The following CRHBP variants were observed in gnomAD, a reference collection of about 807,000 sequenced individuals.
CRHBP encodes the protein corticotropin releasing hormone binding protein.
Under a neutral mutation model 34.9 loss-of-function variants are expected in CRHBP, and 19 were observed. The observed-to-expected ratio is 0.55, with a 90% CI of 0.38 to 0.80. The LOEUF is 0.80. CRHBP is among the 30% of genes least tolerant of loss of function. The pLI is 0.00. For missense variants in CRHBP, 328 were observed against 409.2 expected (o/e 0.80, Z 1.71); for synonymous variants, 154 against 153.4 (o/e 1.00, Z -0.03).
intron 5 of CRHBP, among the ~76,000 whole-genome samples, chr5:76,959,821 T>C (rs886765504): frequency 2.0e-5 from 3 of 152,204 alleles, no homozygotes; most frequent in African/African-American, 7.2e-5. Flanking sequence ...TTGATATTAT[T>C]TGTATGTCAT....
downstream of CRHBP, among the ~76,000 whole-genome samples, chr5:76,969,653 A>C (rs1179676859): frequency 6.6e-6 from 1 of 152,240 alleles, no homozygotes; most frequent in Admixed American, 6.5e-5. Context: ...GTGTTTGCAC[A>C]GGCAACACTA....
At chr5:76,959,452 C>T (rs1159761585) in intron 5 of CRHBP, among the ~76,000 whole-genome samples, 1 of 152,238 alleles carries the variant, frequency 6.6e-6, no homozygotes, top group Non-Finnish European at 1.5e-5. Flanking sequence ...GAACCCCTAT[C>T]AACTTGTTTT....
At chr5:76,961,176 C>T (rs1291075070) in intron 5 of CRHBP, among the ~76,000 whole-genome samples, 2 of 152,112 alleles carry the variant, frequency 1.3e-5, no homozygotes, top group South Asian at 4.1e-4. Flanking sequence ...TTGAGAGGTC[C>T]CTGCATAACT....
intron 3 of CRHBP, among the ~76,000 whole-genome samples, chr5:76,955,371 G>A (rs1745652145): frequency 1.3e-5 from 2 of 152,196 alleles, no homozygotes; most frequent in African/African-American, 4.8e-5. Context: ...TACATTGTAC[G>A]TTGTTTTATT....
chr5:76,971,536 A>G (rs2150710658), downstream of CRHBP, among the ~76,000 whole-genome samples: 1 of 152,314 alleles, frequency 6.6e-6, no homozygotes, highest in East Asian at 1.9e-4. Flanking sequence ...AGCTAGGGTT[A>G]GTTAAGGTTG....
At chr5:76,957,853 C>T (rs1169802675) in intron 4 of CRHBP, among the ~76,000 whole-genome samples, 1 of 152,112 alleles carries the variant, frequency 6.6e-6, no homozygotes, top group Non-Finnish European at 1.5e-5. Context: ...CCTATTTTCT[C>T]ACTATTAGAA....
rs745841665 is a variant in CRHBP at position 76,953,090 on chromosome 5, A to C, written c.-45A>C. 1.3e-6 allele frequency: 2 copies of C among 1,598,990 alleles called. No individual in the cohort carries two copies. The highest frequency in any genetic ancestry group is 1.7e-6 in the Non-Finnish European group (2 of 1,166,414). On this transcript the variant is annotated 5_prime_UTR_variant, in exon 1 of 7. Coordinates refer to ENST00000274368, the MANE Select transcript of CRHBP (RefSeq NM_001882.4). ...CGCGAGGGTGTAGGAAGGAAAGCCC[A>C]GGACCTCCGGAGCAGAGCACAGCAG...
intron 4 of CRHBP, among the ~76,000 whole-genome samples, chr5:76,958,239 A>C (rs1745721637): frequency 6.6e-6 from 1 of 152,194 alleles, no homozygotes; most frequent in Admixed American, 6.5e-5. Context: ...CTAGGCCCCC[A>C]GTTTTAAAAT....
At chr5:76,955,565 C>A in intron 3 of CRHBP, 88 bp from the exon 4 acceptor site, 1 of 1,193,486 alleles carries the variant, frequency 8.4e-7, no homozygotes, top group Non-Finnish European at 1.2e-6. Flanking sequence ...AGGCCCATTG[C>A]TGGATGACTT....
chr5:76,970,966 C>G (rs1745935844), downstream of CRHBP, among the ~76,000 whole-genome samples: 1 of 152,210 alleles, frequency 6.6e-6, no homozygotes, highest in Non-Finnish European at 1.5e-5. Flanking sequence ...CCCTGGTGAA[C>G]TGTCCATGTC....
chr5:76,973,286 A>G (rs1448804235), downstream of CRHBP, among the ~76,000 whole-genome samples: 2 of 152,180 alleles, frequency 1.3e-5, no homozygotes, highest in African/African-American at 2.4e-5. Context: ...TCAAATGCAC[A>G]TCTTTGATCT....
chr5:76,974,309 GC>G (rs1452501441), downstream of CRHBP, among the ~76,000 whole-genome samples: 2 of 151,980 alleles, frequency 1.3e-5, no homozygotes, highest in African/African-American at 4.8e-5. Context: ...GAGCCACGGT[GC>G]CCGGCCAAAT....
At chr5:76,953,575 C>G in intron 1 of CRHBP, 26 bp from the exon 2 acceptor site, 1 of 1,604,990 alleles carries the variant, frequency 6.2e-7, no homozygotes, top group Non-Finnish European at 8.5e-7. Context: ...TTGAACTTTT[C>G]CGGACTGACC....
intron 5 of CRHBP, 146 bp from the exon 6 acceptor site, chr5:76,963,197 T>C: frequency 1.7e-6 from 1 of 599,190 alleles, no homozygotes; most frequent in Middle Eastern, 4.5e-4. Flanking sequence ...TGTCTTTTAA[T>C]TTCCAGAGTC....
At chr5:76,960,498 G>A (rs746429199) in intron 5 of CRHBP, among the ~76,000 whole-genome samples, 1 of 152,174 alleles carries the variant, frequency 6.6e-6, no homozygotes, top group Non-Finnish European at 1.5e-5. Flanking sequence ...TCTGATGTAT[G>A]CTGTCTAAAA....
At chr5:76,960,980 G>A (rs558470926) in intron 5 of CRHBP, among the ~76,000 whole-genome samples, 5 of 152,116 alleles carry the variant, frequency 3.3e-5, no homozygotes, top group Admixed American at 1.3e-4. Flanking sequence ...TATTGGCCAG[G>A]CTGGTCTCAA....
At chr5:76,963,538 A>G (rs1580094873) in intron 6 of CRHBP, 78 bp downstream of exon 6, 2 of 1,295,498 alleles carry the variant, frequency 1.5e-6, no homozygotes, top group Non-Finnish European at 2.2e-6. Context: ...TATTTTCTAC[A>G]TTGGAAGGTG....
rs750053690 is a variant in CRHBP at position 76,954,199 on chromosome 5, C to T, written c.333+13C>T. 9.3e-6 allele frequency: 15 copies of T among 1,609,458 alleles called. No individual in the cohort carries two copies. The highest frequency in any genetic ancestry group is 1.3e-5 in the African/African-American group (1 of 74,738). ...CGACTTCCTGAAGGTGAGGCGCCCACGGCCAGCCAACCTAGCCGGAGGGCG... is the reference window on the plus strand; with the variant it reads ...CGACTTCCTGAAGGTGAGGCGCCCATGGCCAGCCAACCTAGCCGGAGGGCG... On this transcript the variant is annotated intron_variant, in intron 3 of 6. Coordinates refer to ENST00000274368, the MANE Select transcript of CRHBP (RefSeq NM_001882.4).
chr5:76,953,363 G>A (rs1174331580), intron 1 of CRHBP, 148 bp downstream of exon 1: 6 of 855,950 alleles, frequency 7.0e-6, no homozygotes, highest in Non-Finnish European at 9.4e-6. Context: ...CCCCTATCCT[G>A]TTCTCCCTCC....
Sources: allele counts gnomAD v4.1 joint callset (sites outside exome capture counted in the v4.1 genomes callset), GRCh38; gene constraint gnomAD v4.1.1; transcripts MANE v1.5; gene names NCBI Gene and HGNC (gene_info 2026-07-23, HGNC 2026-07-21).